GRAMD1C: variants seen among roughly 807,000 people sequenced by gnomAD.
GRAMD1C encodes GRAM domain containing 1C.
In GRAMD1C, 89 loss-of-function variants were observed where a neutral mutation model predicts 97.8. The observed-to-expected ratio is 0.91, with a 90% CI of 0.77 to 1.09. The LOEUF is 1.09. Among genes scored for constraint, GRAMD1C ranks in the 50% least tolerant of loss-of-function variants. GRAMD1C has a pLI of 0.00. For synonymous variants in GRAMD1C, 256 were observed against 267.0 expected (o/e 0.96, Z 0.40); for missense variants, 740 against 766.4 (o/e 0.97, Z 0.41).
chr3:113,933,022 T>C (rs1046078866), intron 11 of GRAMD1C, among the ~76,000 whole-genome samples: 1 of 152,012 alleles, frequency 6.6e-6, no homozygotes, highest in Non-Finnish European at 1.5e-5. Flanking sequence ...GTAGCTGGGA[T>C]TACAGGCATG....
intron 2 of GRAMD1C, among the ~76,000 whole-genome samples, chr3:113,858,289 G>A (rs1031372671): frequency 3.4e-4 from 52 of 151,912 alleles, no homozygotes; most frequent in African/African-American, 4.8e-5. Flanking sequence ...CTGGGGTGCA[G>A]TGGTGCGATC....
At chr3:113,935,596 G>A (rs1021464188) in intron 13 of GRAMD1C, among the ~76,000 whole-genome samples, 4 of 151,198 alleles carry the variant, frequency 2.6e-5, no homozygotes, top group African/African-American at 9.7e-5. Context: ...TTTAGTTGAA[G>A]AAAAGCTGGT....
chr3:113,894,532 G>GC (rs1257883507), intron 6 of GRAMD1C, among the ~76,000 whole-genome samples: 10 of 152,086 alleles, frequency 6.6e-5, no homozygotes. Context: ...GCCTGCCTTG[G>GC]CCCCCCAAAG....
chr3:113,935,861 A>G (rs564164840), intron 13 of GRAMD1C, among the ~76,000 whole-genome samples: 11 of 152,186 alleles, frequency 7.2e-5, no homozygotes, highest in African/African-American at 2.4e-4. Context: ...TTTCTTGTAA[A>G]CCTTTGTTGA....
Position 113,945,607 on chromosome 3 carries a change from A to T in GRAMD1C, c.*129A>T. ...TTTCATTATTGAGATTTCTAATATGAACATTTCTTTCAGTAACATTTATTT... is the reference window on the plus strand; with the variant it reads ...TTTCATTATTGAGATTTCTAATATGTACATTTCTTTCAGTAACATTTATTT... On this transcript the variant is annotated 3_prime_UTR_variant, in exon 18 of 18. Transcript: ENST00000358160. The T allele has an allele frequency of 5.0e-6, 3 of 596,262 alleles. No individual in the cohort carries two copies. The allele number at this position is 596,262 out of a possible 1,614,324, so 36.9% of individuals were successfully genotyped here.
upstream of GRAMD1C, among the ~76,000 whole-genome samples, chr3:113,834,785 AAAAAAT>A (rs1213316466): frequency 2.6e-5 from 4 of 151,562 alleles, no homozygotes; most frequent in Admixed American, 2.0e-4. Flanking sequence ...AAAAAAAAAA[AAAAAAT>A]TAGCTGGGCG....
At chr3:113,877,223 T>C (rs1382163429) in intron 5 of GRAMD1C, among the ~76,000 whole-genome samples, 4 of 152,220 alleles carry the variant, frequency 2.6e-5, no homozygotes, top group African/African-American at 9.6e-5. Flanking sequence ...CCTGCACTAA[T>C]TGAGAATAAA....
chr3:113,887,097 T>TTTG (rs1935532205), intron 6 of GRAMD1C, among the ~76,000 whole-genome samples: 1 of 77,446 alleles, frequency 1.3e-5, no homozygotes, highest in African/African-American at 4.6e-5. Flanking sequence ...TTTTTTTTTG[T>TTTG]TTTTTTTTTT....
At chr3:113,910,562 C>T (rs536154308) in intron 9 of GRAMD1C, among the ~76,000 whole-genome samples, 62 of 152,170 alleles carry the variant, frequency 4.1e-4, no homozygotes, top group African/African-American at 1.5e-3. Context: ...TATTGTAATC[C>T]ATGTGTACAT....
intron 2 of GRAMD1C, among the ~76,000 whole-genome samples, chr3:113,860,362 T>G (rs1278515209): frequency 6.6e-6 from 1 of 152,102 alleles, no homozygotes; most frequent in African/African-American, 2.4e-5. Context: ...CAATAAAACT[T>G]TATTGAAAGA....
At chr3:113,899,409 A>G (rs80273429) in intron 6 of GRAMD1C, among the ~76,000 whole-genome samples, 1 of 152,130 alleles carries the variant, frequency 6.6e-6, no homozygotes, top group Non-Finnish European at 1.5e-5. Flanking sequence ...GTGCATGATC[A>G]TATTATATCT....
chr3:113,905,954 C>T (rs563950433), intron 8 of GRAMD1C, among the ~76,000 whole-genome samples: 2 of 152,248 alleles, frequency 1.3e-5, no homozygotes, highest in South Asian at 4.1e-4. Flanking sequence ...GCCTGAGGCT[C>T]CCAAAGTGCT....
At chr3:113,919,891 A>G in intron 10 of GRAMD1C, 2 of 651,782 alleles carry the variant, frequency 3.1e-6, no homozygotes, top group South Asian at 2.7e-5. Context: ...CCAGTACCAC[A>G]GCAGAAACAG....
intron 5 of GRAMD1C, among the ~76,000 whole-genome samples, chr3:113,879,803 C>G (rs554592802): frequency 5.3e-5 from 8 of 151,472 alleles, no homozygotes; most frequent in African/African-American, 1.7e-4. Flanking sequence ...AAGCAACTCT[C>G]CTGCCTCAGC....
intron 2 of GRAMD1C, among the ~76,000 whole-genome samples, chr3:113,857,176 C>CA (rs71297435): frequency 0.41 from 62,157 of 151,570 alleles, 12,998 homozygotes; most frequent in Admixed American, 0.45. Flanking sequence ...AACAAACAAA[C>CA]AAAAAAATAA....
rs1553718131 is a variant in GRAMD1C, at chr3:113,873,092, C to CAGAAAAAAA, written c.260-2391_260-2390insGAAAAAAAA. 5.3e-4 allele frequency among the ~76,000 whole-genome samples: 19 copies of CAGAAAAAAA among 35,752 alleles called. 1 individual carries two copies. In the South Asian group the frequency reaches 5.3e-3, roughly 10 times the overall value. The allele number at this position is 35,752 out of a possible 152,430, so 23.5% of individuals were successfully genotyped here. ...TGGGCGACAGAGCAAGACTCCATCT[C>CAGAAAAAAA]AAAAAAAAAAAAAAAAAATTAGCCG... On this transcript the variant is annotated intron_variant, in intron 3 of 17. Transcript: ENST00000358160.
chr3:113,840,900 A>G (rs969687598), intron 1 of GRAMD1C, among the ~76,000 whole-genome samples: 4 of 152,148 alleles, frequency 2.6e-5, no homozygotes, highest in Admixed American at 1.3e-4. Flanking sequence ...GCTCCTGGAG[A>G]AAATTTGATG....
chr3:113,893,182 C>T (rs924005172), intron 6 of GRAMD1C, among the ~76,000 whole-genome samples: 2 of 151,990 alleles, frequency 1.3e-5, no homozygotes, highest in African/African-American at 4.8e-5. Flanking sequence ...AACAGTTTGT[C>T]GAACCCTGAA....
intron 9 of GRAMD1C, 72 bp from the exon 10 acceptor site, chr3:113,915,619 AAAACCCCACG>A: frequency 9.2e-7 from 1 of 1,087,932 alleles, no homozygotes; most frequent in Non-Finnish European, 1.3e-6. Context: ...ATAAAAAAAG[AAAACCCCACG>A]AAACCCCCTA....
Sources: gnomAD v4.1 joint callset for allele counts (sites outside exome capture counted in the v4.1 genomes callset) on GRCh38, gnomAD v4.1.1 for gene constraint, MANE v1.5 for transcripts, NCBI Gene and HGNC (gene_info 2026-07-23, HGNC 2026-07-21) for gene names.